The following NEUROG1 variants were observed in gnomAD, a reference collection of about 807,000 sequenced individuals.
The protein encoded by NEUROG1 is neurogenin 1, also known as neurogenin-1.
Under a neutral mutation model 5.7 loss-of-function variants are expected in NEUROG1, and 5 were observed. That is an observed-to-expected ratio of 0.88 (90% confidence interval 0.46 to 1.85). The LOEUF is 1.85. NEUROG1 is among the 40% of genes most tolerant of loss of function. The pLI is 0.01. For synonymous variants in NEUROG1, 196 were observed against 157.4 expected (o/e 1.25, Z -1.84); for missense variants, 403 against 345.7 (o/e 1.17, Z -1.32).
Position 135,534,873 on chromosome 5 carries a change from G to C in NEUROG1, c.*104C>G. The C allele has an allele frequency of 8.2e-7, 1 of 1,220,538 alleles. No homozygotes were observed. Among genetic ancestry groups the C allele is most frequent in the Non-Finnish European group, 1.1e-6 (1 of 879,854 alleles). 75.6% of individuals were successfully genotyped at this position (1,220,538 alleles called of 1,614,324 possible). Reference sequence around the variant, plus strand: ...TATCCCCGACTGCTTTAAAGCTCCCGCTTCCTCCCTCCGCCTGGAGAGGGG... The same window carrying C: ...TATCCCCGACTGCTTTAAAGCTCCCCCTTCCTCCCTCCGCCTGGAGAGGGG... On this transcript the variant is annotated 3_prime_UTR_variant, in exon 1 of 1. Coordinates refer to ENST00000314744, the MANE Select transcript of NEUROG1 (RefSeq NM_006161.3).
In NEUROG1 at chr5:135,535,015, A is replaced by G; in HGVS notation, c.676T>C (p.Leu226=). ...VFSFPSLPKD[L]LHTTPCFIPY... Reference sequence around the variant, plus strand: ...ATGAAACAGGGCGTTGTGTGGAGCAAGTCTTTGGGCAGGCTTGGGAAGGAG... The same window carrying G: ...ATGAAACAGGGCGTTGTGTGGAGCAGGTCTTTGGGCAGGCTTGGGAAGGAG... The change falls in exon 1 of 1, where the codon TTG becomes CTG. Residue 226 remains leucine, a synonymous_variant. Coordinates refer to ENST00000314744, the MANE Select transcript of NEUROG1 (RefSeq NM_006161.3). 1 of 1,614,030 alleles carries G rather than the reference A, an allele frequency of 6.2e-7. No homozygotes were observed. Among genetic ancestry groups the G allele is most frequent in the Non-Finnish European group, 8.5e-7 (1 of 1,179,954 alleles).
Position 135,535,750 on chromosome 5 carries a change from A to G in NEUROG1, c.-60T>C. 7.0e-7 allele frequency: 1 copy of G among 1,433,838 alleles called. No homozygotes were observed. Among genetic ancestry groups the G allele is most frequent in the South Asian group, 1.5e-5 (1 of 67,888 alleles). The allele number at this position is 1,433,838 out of a possible 1,614,324, so 88.8% of individuals were successfully genotyped here. On this transcript the variant is annotated 5_prime_UTR_variant, in exon 1 of 1. Coordinates refer to ENST00000314744, the MANE Select transcript of NEUROG1 (RefSeq NM_006161.3). ...AGGCGCTCAGAGCGCTGCAGCCCGG[A>G]CTGAGGGCAGAGCCGCCAGGGCGCA...
Position 135,535,361 on chromosome 5 carries a change from C to T in NEUROG1, c.330G>A (p.Ala110=). ...GCACGCTGCGCAGTGCGTCCAGGGC[C>T]GCGTTCAAGTTGTGCATGCGGTTGC... is the stretch of plus-strand genomic sequence containing the variant. ...RERNRMHNLN[A]ALDALRSVLP... is the part of the protein sequence containing the mutation. The change falls in exon 1 of 1, where the codon GCG becomes GCA. Residue 110 remains alanine, a synonymous_variant. Coordinates refer to ENST00000314744, the MANE Select transcript of NEUROG1 (RefSeq NM_006161.3). The T allele has an allele frequency of 6.2e-7, 1 of 1,613,018 alleles. No individual in the cohort carries two copies. The highest frequency in any genetic ancestry group is 8.5e-7 in the Non-Finnish European group (1 of 1,179,510).
In NEUROG1 at chr5:135,535,842, G is replaced by A; in HGVS notation, c.-152C>T. On this transcript the variant is annotated 5_prime_UTR_variant, in exon 1 of 1. Coordinates refer to ENST00000314744, the MANE Select transcript of NEUROG1 (RefSeq NM_006161.3). ...TGCGGGTGCGAGAGCCTGGAAGGGT[G>A]CAGGGGCGCACGGAGAACTTGGCCT... 3.0e-6 allele frequency: 2 copies of A among 676,426 alleles called. No individual in the cohort carries two copies. The highest frequency in any genetic ancestry group is 2.3e-6 in the Non-Finnish European group (1 of 433,116). 41.9% of individuals were successfully genotyped at this position (676,426 alleles called of 1,614,324 possible).
In NEUROG1 at chr5:135,535,428, G is replaced by A. The variant is rs1250572363; in HGVS notation, c.263C>T (p.Ser88Leu). 1.9e-6 allele frequency: 3 copies of A among 1,593,504 alleles called. No individual in the cohort carries two copies. Among genetic ancestry groups the A allele is most frequent in the Non-Finnish European group, 2.6e-6 (3 of 1,170,890 alleles). The change falls in exon 1 of 1, where the codon TCG becomes TTG. Residue 88 changes from serine to leucine, a missense_variant. Coordinates refer to ENST00000314744, the MANE Select transcript of NEUROG1 (RefSeq NM_006161.3). The stretch of plus-strand genomic sequence containing the variant: ...CTTGACGCGCCGGCTCCTGCGCAGC[G>A]AGTGCAGCAGCGCCTCGGAGCGGAC... ...TRVRSEALLH[S>L]LRRSRRVKAN...
In NEUROG1 at chr5:135,535,692, G is replaced by C. The variant is rs1242323190; in HGVS notation, c.-2C>G. The C allele has an allele frequency of 6.4e-7, 1 of 1,552,778 alleles. No individual in the cohort carries two copies. The highest frequency in any genetic ancestry group is 1.4e-5 in the African/African-American group (1 of 70,862). On this transcript the variant is annotated 5_prime_UTR_variant, in exon 1 of 1. Transcript: ENST00000314744. ...GCAGGTCTCAAGGCGGGCTGGCATCGTTGCGCTGTGCAGGACCGACGGACA... is the reference window on the plus strand; with the variant it reads ...GCAGGTCTCAAGGCGGGCTGGCATCCTTGCGCTGTGCAGGACCGACGGACA...
At position 135,535,411 on chromosome 5, in the gene NEUROG1, G is replaced by T; in HGVS notation, c.280C>A (p.Arg94Ser). The T allele has an allele frequency of 6.2e-6, 10 of 1,600,964 alleles. No homozygotes were observed. Among genetic ancestry groups the T allele is most frequent in the Non-Finnish European group, 8.5e-6 (10 of 1,174,416 alleles). Residue 94 changes from arginine to serine, a missense_variant, in exon 1 of 1, where the codon CGC becomes AGC. Transcript: ENST00000314744. The stretch of plus-strand genomic sequence containing the variant: ...CGCTCGCGATCGTTGGCCTTGACGC[G>T]CCGGCTCCTGCGCAGCGAGTGCAGC... The part of the protein sequence containing the change: ...ALLHSLRRSR[R>S]VKANDRERNR...
rs200961598 is a variant in NEUROG1 at position 135,534,952 on chromosome 5, G to A, written c.*25C>T. ...TATTGCCTGCTGACTAGGGGAGGGGGAAAGTAACAGTGTCTACAAAGGGCC... is the reference window on the plus strand; with the variant it reads ...TATTGCCTGCTGACTAGGGGAGGGGAAAAGTAACAGTGTCTACAAAGGGCC... On this transcript the variant is annotated 3_prime_UTR_variant, in exon 1 of 1. Transcript: ENST00000314744. 244 of 1,601,678 alleles carry A rather than the reference G, an allele frequency of 1.5e-4. No individual in the cohort carries two copies. In the East Asian group the frequency reaches 1.7e-3, roughly 11 times the overall value.
In NEUROG1 at chr5:135,535,201, G is replaced by A. The variant is rs1226992993; in HGVS notation, c.490C>T (p.Leu164Phe). The A allele has an allele frequency of 2.5e-6, 4 of 1,610,460 alleles. No individual in the cohort carries two copies. Among genetic ancestry groups the A allele is most frequent in the South Asian group, 1.1e-5 (1 of 90,950 alleles). ...CAGGGGACGCACTGCGGCGGCAGGA[G>A]GCGCTCCCGGGCACCGCCTCCGGGC... ...GLPGGGARER[L>F]LPPQCVPCLP... Residue 164 changes from leucine (L) to phenylalanine (F), a missense_variant, in exon 1 of 1, where the codon CTC (leucine) becomes TTC (phenylalanine). Transcript: ENST00000314744.
Position 135,535,391 on chromosome 5 carries a change from G to C in NEUROG1, c.300C>G (p.Arg100=), listed in dbSNP as rs770443218. ...RRSRRVKAND[R]ERNRMHNLNA... The stretch of plus-strand genomic sequence containing the variant: ...TCAAGTTGTGCATGCGGTTGCGCTC[G>C]CGATCGTTGGCCTTGACGCGCCGGC... The change falls in exon 1 of 1, where the codon CGC becomes CGG. Residue 100 remains arginine (R), a synonymous_variant. Transcript: ENST00000314744. 1.9e-6 allele frequency: 3 copies of C among 1,610,014 alleles called. No individual in the cohort carries two copies. Among genetic ancestry groups the C allele is most frequent in the Non-Finnish European group, 1.7e-6 (2 of 1,178,284 alleles).
Position 135,535,322 on chromosome 5 carries a change from G to A in NEUROG1, c.369C>T (p.Pro123=), listed in dbSNP as rs1750513491. The A allele has an allele frequency of 6.2e-7, 1 of 1,613,568 alleles. No homozygotes were observed. Among genetic ancestry groups the A allele is most frequent in the Non-Finnish European group, 8.5e-7 (1 of 1,179,674 alleles). The change falls in exon 1 of 1, where the codon CCC becomes CCT. Residue 123 remains proline, a synonymous_variant. Coordinates refer to ENST00000314744, the MANE Select transcript of NEUROG1 (RefSeq NM_006161.3). ...CGATTTTGGTGAGCTTGGTGTCGTC[G>A]GGGAACGAGGGCAGCACGCTGCGCA... ...DALRSVLPSF[P]DDTKLTKIET...
At position 135,535,391 on chromosome 5, in the gene NEUROG1, G is replaced by T; in HGVS notation, c.300C>A (p.Arg100=). The T allele has an allele frequency of 6.2e-7, 1 of 1,610,014 alleles. No homozygotes were observed. Among genetic ancestry groups the T allele is most frequent in the South Asian group, 1.1e-5 (1 of 90,540 alleles). ...RRSRRVKAND[R]ERNRMHNLNA... is the part of the protein sequence containing the mutation. ...TCAAGTTGTGCATGCGGTTGCGCTC[G>T]CGATCGTTGGCCTTGACGCGCCGGC... is the stretch of plus-strand genomic sequence containing the variant. Residue 100 remains arginine (R), a synonymous_variant, in exon 1 of 1, where the codon CGC becomes CGA. Coordinates refer to ENST00000314744, the MANE Select transcript of NEUROG1 (RefSeq NM_006161.3).
At position 135,535,207 on chromosome 5, in the gene NEUROG1, C is replaced by A; in HGVS notation, c.484G>T (p.Glu162Ter). Residue 162 changes from glutamate to a stop codon, truncating the protein, a stop_gained, in exon 1 of 1, where the codon GAG becomes TAG. Transcript: ENST00000314744. LOFTEE classifies it high-confidence loss of function. ...DQGLPGGGARERLLPPQCVPC... is the reference protein window; with the variant it reads ...DQGLPGGGAR The stretch of plus-strand genomic sequence containing the variant: ...ACGCACTGCGGCGGCAGGAGGCGCT[C>A]CCGGGCACCGCCTCCGGGCAGCCCT... 8.7e-6 allele frequency: 14 copies of A among 1,611,128 alleles called. No individual in the cohort carries two copies. Among genetic ancestry groups the A allele is most frequent in the Non-Finnish European group, 1.2e-5 (14 of 1,178,938 alleles).
Position 135,535,047 on chromosome 5 carries a change from G to C in NEUROG1, c.644C>G (p.Pro215Arg). 1 of 1,614,100 alleles carries C rather than the reference G, an allele frequency of 6.2e-7. No individual in the cohort carries two copies. The highest frequency in any genetic ancestry group is 8.5e-7 in the Non-Finnish European group (1 of 1,179,986). Residue 215 changes from proline (P) to arginine (R), a missense_variant, in exon 1 of 1, where the codon CCT becomes CGT. By Grantham distance (103) the Pro-to-Arg change is moderately radical (BLOSUM62 -2). Transcript: ENST00000314744. ...SEDFTYRPGD[P>R]VFSFPSLPKD... ...GGGCAGGCTTGGGAAGGAGAAAACA[G>C]GGTCGCCGGGGCGGTAGGTGAAGTC...
Position 135,534,863 on chromosome 5 carries a change from T to C in NEUROG1, c.*114A>G. 3 of 1,126,890 alleles carry C rather than the reference T, an allele frequency of 2.7e-6. No individual in the cohort carries two copies. Among genetic ancestry groups the C allele is most frequent in the Admixed American group, 5.5e-5 (2 of 36,358 alleles). 69.8% of individuals were successfully genotyped at this position (1,126,890 alleles called of 1,614,324 possible). A position where few individuals can be genotyped will look rare whatever the true frequency, so the allele number is the denominator to read the frequency against. On this transcript the variant is annotated 3_prime_UTR_variant, in exon 1 of 1. Transcript: ENST00000314744. ...GCGGCTCAGGTATCCCCGACTGCTT[T>C]AAAGCTCCCGCTTCCTCCCTCCGCC...
chr5:135,535,474 G>A lies in NEUROG1; in HGVS notation c.217C>T (p.Arg73Trp), dbSNP rs1305566903. ...GAQDDEQERR[R>W]RRGRTRVRSE... ...CGGACCCGCGTCCGGCCGCGGCGCC[G>A]CCGCCTCTCCTGCTCGTCGTCCTGT... The change falls in exon 1 of 1, where the codon CGG becomes TGG. Residue 73 changes from arginine to tryptophan, a missense_variant. Coordinates refer to ENST00000314744, the MANE Select transcript of NEUROG1 (RefSeq NM_006161.3). The A allele has an allele frequency of 1.9e-6, 3 of 1,565,730 alleles. No homozygotes were observed. Among genetic ancestry groups the A allele is most frequent in the Non-Finnish European group, 1.7e-6 (2 of 1,161,260 alleles).
rs977738576 is a variant in NEUROG1 at position 135,534,704 on chromosome 5, C to T, written c.*273G>A. The T allele has an allele frequency of 1.3e-5, 6 of 461,498 alleles. No individual in the cohort carries two copies. Among genetic ancestry groups the T allele is most frequent in the Non-Finnish European group, 1.9e-5 (5 of 262,414 alleles). The allele number at this position is 461,498 out of a possible 1,614,324, so 28.6% of individuals were successfully genotyped here. A position where few individuals can be genotyped will look rare whatever the true frequency, so the allele number is the denominator to read the frequency against. ...TGGCTGGGGTCAGTTCTGAGCCAGT[C>T]ACAAAGGAGGTTTTGTGGAGTTCAG... On this transcript the variant is annotated 3_prime_UTR_variant, in exon 1 of 1. Transcript: ENST00000314744.
rs34137563 is a variant in NEUROG1 at position 135,535,590 on chromosome 5, C to T, written c.101G>A (p.Arg34Lys). The T allele has an allele frequency of 1.0e-3, 1,615 of 1,591,594 alleles. 23 individuals are homozygous for T. In the African/African-American group the frequency reaches 0.019, roughly 19 times the overall value. ...GFLTDEEDCA[R>K]LQQAASASGP... ...CGAAGCGGAGGCTGCCTGTTGGAGT[C>T]TGGCACAGTCTTCCTCGTCGGTGAG... Residue 34 changes from arginine (R) to lysine (K), a missense_variant, in exon 1 of 1, where the codon AGA becomes AAA. Arg to Lys is a conservative substitution (Grantham distance 26). Transcript: ENST00000314744.
At position 135,535,204 on chromosome 5, in the gene NEUROG1, G is replaced by T. The variant is rs1470221829; in HGVS notation, c.487C>A (p.Arg163Ser). The T allele has an allele frequency of 2.5e-6, 4 of 1,610,438 alleles. No individual in the cohort carries two copies. Among genetic ancestry groups the T allele is most frequent in the Non-Finnish European group, 3.4e-6 (4 of 1,178,732 alleles). Reference sequence around the variant, plus strand: ...GGGACGCACTGCGGCGGCAGGAGGCGCTCCCGGGCACCGCCTCCGGGCAGC... The same window carrying T: ...GGGACGCACTGCGGCGGCAGGAGGCTCTCCCGGGCACCGCCTCCGGGCAGC... ...QGLPGGGARE[R>S]LLPPQCVPCL... Residue 163 changes from arginine (R) to serine (S), a missense_variant, in exon 1 of 1, where the codon CGC becomes AGC. Arg to Ser is a moderately radical substitution (Grantham distance 110). Transcript: ENST00000314744.
Sources: gnomAD v4.1 joint callset for allele counts on GRCh38, gnomAD v4.1.1 for gene constraint, MANE v1.5 for transcripts, NCBI Gene and HGNC (gene_info 2026-07-23, HGNC 2026-07-21) for gene names.